PSPC1: variants seen among roughly 807,000 people sequenced by gnomAD.
The protein encoded by PSPC1 is paraspeckle component 1.
PSPC1 carries 14 observed loss-of-function variants against 51.6 expected under a neutral mutation model. The observed-to-expected ratio is 0.27, with a 90% CI of 0.18 to 0.42. PSPC1 has a LOEUF of 0.42. PSPC1 is among the 10% of genes least tolerant of loss of function. The pLI is 1.00. For missense variants in PSPC1, 406 were observed against 701.1 expected, an observed-to-expected ratio of 0.58 and a Z score of 4.75; for synonymous variants, 193 against 231.9, an observed-to-expected ratio of 0.83 and a Z score of 1.53.
chr13:19,684,440 T>C (rs2137604649), intron 6 of PSPC1, among the ~76,000 whole-genome samples: 1 of 152,360 alleles, frequency 6.6e-6, no homozygotes, highest in East Asian at 1.9e-4. Context: ...CCACTGTTAC[T>C]TATTTAATGT....
chr13:19,772,582 A>G, intron 1 of PSPC1, 39 bp from the exon 2 acceptor site: 1 of 1,542,488 alleles, frequency 6.5e-7, no homozygotes, highest in Non-Finnish European at 8.7e-7. Context: ...AGATGACAGT[A>G]ACAGAAAAAA....
intron 2 of PSPC1, among the ~76,000 whole-genome samples, chr13:19,772,035 CAG>C (rs1566052951): frequency 6.6e-6 from 1 of 152,130 alleles, no homozygotes; most frequent in Non-Finnish European, 1.5e-5. Context: ...CAAAACACTG[CAG>C]AGATTTAAAC....
At chr13:19,712,146 A>T (rs1386853725) in intron 6 of PSPC1, among the ~76,000 whole-genome samples, 1 of 152,182 alleles carries the variant, frequency 6.6e-6, no homozygotes, top group East Asian at 1.9e-4. Flanking sequence ...GTTACACACC[A>T]GCACCATCGA....
intron 6 of PSPC1, among the ~76,000 whole-genome samples, chr13:19,695,721 T>C (rs1468090913): frequency 2.0e-5 from 3 of 152,132 alleles, no homozygotes; most frequent in African/African-American, 4.8e-5. Context: ...TAAATTTTTA[T>C]CATTTTTTTT....
chr13:19,705,536 C>T (rs1359682148), intron 8 of PSPC1, 126 bp downstream of exon 8: 4 of 668,258 alleles, frequency 6.0e-6, no homozygotes, highest in Non-Finnish European at 6.9e-6. Flanking sequence ...CATATGATGT[C>T]ACAAAATTTT....
At chr13:19,741,754 C>T (rs1437559760) in intron 4 of PSPC1, 105 bp from the exon 5 acceptor site, 1 of 619,760 alleles carries the variant, frequency 1.6e-6, no homozygotes, top group Non-Finnish European at 2.8e-6. Context: ...TGGTATATTA[C>T]TCATTTTATA....
intron 4 of PSPC1, among the ~76,000 whole-genome samples, chr13:19,743,269 GA>G (rs1885617961): frequency 6.6e-6 from 1 of 152,076 alleles, no homozygotes; most frequent in Non-Finnish European, 1.5e-5. Flanking sequence ...CTTTATATCT[GA>G]AATGTCTAAA....
intron 6 of PSPC1, among the ~76,000 whole-genome samples, chr13:19,725,416 A>G (rs1883261047): frequency 1.3e-5 from 2 of 152,196 alleles, no homozygotes; most frequent in Admixed American, 1.3e-4. Context: ...ATTCTTCACA[A>G]GCTCTACGAG....
intron 1 of PSPC1, among the ~76,000 whole-genome samples, chr13:19,780,880 G>A (rs1470812766): frequency 3.9e-5 from 6 of 152,096 alleles, no homozygotes; most frequent in South Asian, 2.1e-4. Context: ...GTTCCAGGCC[G>A]GACACAGTGG....
At chr13:19,688,977 A>G (rs78980216) in intron 6 of PSPC1, among the ~76,000 whole-genome samples, 5 of 150,288 alleles carry the variant, frequency 3.3e-5, no homozygotes, top group Non-Finnish European at 4.4e-5. Context: ...AAAAAAAAAA[A>G]GGAAACTCAT....
At chr13:19,732,450 AT>A (rs1249044232) in intron 5 of PSPC1, among the ~76,000 whole-genome samples, 1 of 152,220 alleles carries the variant, frequency 6.6e-6, no homozygotes, top group African/African-American at 2.4e-5. Flanking sequence ...CAATATACTA[AT>A]AATATACTTA....
exon 8 of PSPC1, chr13:19,674,763 G>A (rs1477364648): frequency 6.6e-6 from 1 of 152,144 alleles, no homozygotes; most frequent in African/African-American, 2.4e-5. Context: ...AAAGAAGTTC[G>A]AAATGTTTAA....
intron 6 of PSPC1, among the ~76,000 whole-genome samples, chr13:19,725,183 G>A (rs1241817617): frequency 2.6e-5 from 4 of 151,734 alleles, no homozygotes; most frequent in African/African-American, 9.7e-5. Flanking sequence ...TCTCAAAAAC[G>A]AAAAAAAGAT....
intron 5 of PSPC1, among the ~76,000 whole-genome samples, chr13:19,733,778 G>GAA (rs66861600): frequency 0.034 from 4,648 of 138,470 alleles, 97 homozygotes; most frequent in South Asian, 0.053. Context: ...CAAGAAAAAA[G>GAA]AAAAAAAAAT....
At chr13:19,711,460 C>G (rs1198935670) in intron 6 of PSPC1, among the ~76,000 whole-genome samples, 1 of 151,860 alleles carries the variant, frequency 6.6e-6, no homozygotes, top group Non-Finnish European at 1.5e-5. Context: ...CACGGTGAAA[C>G]CCCGTTTCTA....
chr13:19,752,473 C>T (rs1358689457), intron 3 of PSPC1, among the ~76,000 whole-genome samples: 1 of 151,952 alleles, frequency 6.6e-6, no homozygotes, highest in East Asian at 1.9e-4. Flanking sequence ...TATGACTGAT[C>T]TCAAACTCCT....
intron 4 of PSPC1, among the ~76,000 whole-genome samples, chr13:19,751,036 T>C (rs1304130566): frequency 2.0e-5 from 3 of 152,018 alleles, no homozygotes; most frequent in Non-Finnish European, 4.4e-5. Context: ...CCCAAAGTGC[T>C]GGGATTACAG....
intron 1 of PSPC1, among the ~76,000 whole-genome samples, chr13:19,775,612 C>T (rs1268484615): frequency 3.3e-5 from 5 of 152,188 alleles, no homozygotes; most frequent in South Asian, 2.1e-4. Context: ...TCTAAACAGT[C>T]GTTTTGTTTA....
intron 6 of PSPC1, among the ~76,000 whole-genome samples, chr13:19,682,008 A>G (rs1593515550): frequency 2.0e-5 from 3 of 152,356 alleles, no homozygotes; most frequent in South Asian, 4.1e-4. Flanking sequence ...TGATATAGCA[A>G]AAGAATAAGG....
Sources: allele counts gnomAD v4.1 joint callset (sites outside exome capture counted in the v4.1 genomes callset), GRCh38; gene constraint gnomAD v4.1.1; transcripts MANE v1.5; gene names NCBI Gene and HGNC (gene_info 2026-07-23, HGNC 2026-07-21).